OPCML: variants seen among roughly 807,000 people sequenced by gnomAD.
OPCML encodes the protein opioid binding protein/cell adhesion molecule like.
In OPCML, 13 loss-of-function variants were observed where a neutral mutation model predicts 37.8. That is an observed-to-expected ratio of 0.34 (90% confidence interval 0.22 to 0.55). The LOEUF (loss-of-function observed/expected upper bound fraction) is 0.55. Ranked by LOEUF, OPCML falls within the 20% of genes least tolerant of loss-of-function variation. The pLI is 0.91. For synonymous variants in OPCML, 176 were observed against 168.8 expected (o/e 1.04, Z -0.33); for missense variants, 341 against 435.6 (o/e 0.78, Z 1.93).
At chr11:133,420,856 G>A (rs901533346) in intron 1 of OPCML, 7 of 985,356 alleles carry the variant, frequency 7.1e-6, no homozygotes, top group Non-Finnish European at 8.4e-6. Context: ...ATTGGTCCTG[G>A]CAGTTACAAG....
At position 132,446,526 on chromosome 11, in the gene OPCML, G is replaced by T. The variant is rs775428070; in HGVS notation, c.506-9167C>A. 6.6e-4 allele frequency among the ~76,000 whole-genome samples: 100 copies of T among 152,074 alleles called. 1 individual carries two copies. Among genetic ancestry groups the T allele is most frequent in the Non-Finnish European group, 1.4e-3 (94 of 68,018 alleles). On this transcript the variant is annotated intron_variant, in intron 4 of 7. Coordinates refer to ENST00000524381, the MANE Select transcript of OPCML (RefSeq NM_001012393.5). ...AAAATAAACTGAAACTAACAGTTCA[G>T]ACCCAAAGAATGCAGGGGTAGAAGG...
In OPCML at chr11:133,333,475, C is replaced by T. The variant is rs556888657; in HGVS notation, c.61+198789G>A. Among the ~76,000 whole-genome samples, 24 of 152,220 alleles carry T rather than the reference C, an allele frequency of 1.6e-4. No homozygotes were observed. In the South Asian group the frequency reaches 2.1e-3, roughly 13 times the overall value. On this transcript the variant is annotated intron_variant, in intron 1 of 7. Coordinates refer to ENST00000524381, the MANE Select transcript of OPCML (RefSeq NM_001012393.5). ...ATTGAAGCTGGACCGCTTCCTTACA[C>T]GCTACACAAAAATCAACTCAAGATG...
chr11:133,398,005 T>C (rs1945323545), intron 1 of OPCML, among the ~76,000 whole-genome samples: 1 of 152,188 alleles, frequency 6.6e-6, no homozygotes, highest in Admixed American at 6.5e-5. Context: ...TTTAAGTTTA[T>C]CCAAACCTAT....
chr11:133,421,063 T>C (rs1565625241), intron 1 of OPCML: 1 of 983,856 alleles, frequency 1.0e-6, no homozygotes, highest in Non-Finnish European at 1.2e-6. Flanking sequence ...CAATAATCAG[T>C]AGATTATTGG....
chr11:132,969,724 G>A (rs553224380), intron 1 of OPCML, among the ~76,000 whole-genome samples: 17 of 152,036 alleles, frequency 1.1e-4, no homozygotes, highest in Non-Finnish European at 2.2e-4. Flanking sequence ...TTTAAACTTA[G>A]GTTATATTTT....
At chr11:132,727,557 GCA>G (rs1944930656) in intron 2 of OPCML, among the ~76,000 whole-genome samples, 1 of 152,162 alleles carries the variant, frequency 6.6e-6, no homozygotes, top group Non-Finnish European at 1.5e-5. Flanking sequence ...CTAGAGCCCA[GCA>G]CAGTCATCCT....
intron 2 of OPCML, among the ~76,000 whole-genome samples, chr11:132,909,068 A>T (rs1456368024): frequency 2.0e-5 from 3 of 152,200 alleles, no homozygotes; most frequent in Non-Finnish European, 4.4e-5. Flanking sequence ...TCAGTGCGGG[A>T]TGCCCACCAC....
At chr11:132,736,220 A>C (rs1424189733) in intron 2 of OPCML, among the ~76,000 whole-genome samples, 1 of 152,136 alleles carries the variant, frequency 6.6e-6, no homozygotes, top group Middle Eastern at 3.4e-3. Context: ...AGCAGGAAAA[A>C]CTGTCTCTTC....
intron 4 of OPCML, among the ~76,000 whole-genome samples, chr11:132,457,453 T>G (rs1297224810): frequency 6.6e-6 from 1 of 152,218 alleles, no homozygotes; most frequent in Non-Finnish European, 1.5e-5. Context: ...AAATATTTAT[T>G]GAGTGTCAAC....
chr11:132,840,107 G>C (rs1941224577), intron 2 of OPCML, among the ~76,000 whole-genome samples: 1 of 152,042 alleles, frequency 6.6e-6, no homozygotes, highest in Non-Finnish European at 1.5e-5. Flanking sequence ...ATGAGAACAG[G>C]GGCCACAGCA....
intron 2 of OPCML, among the ~76,000 whole-genome samples, chr11:132,843,996 G>T (rs566401689): frequency 2.1e-4 from 32 of 152,296 alleles, no homozygotes; most frequent in African/African-American, 6.7e-4. Flanking sequence ...GAATCATGGG[G>T]GCAGGTCTTT....
intron 1 of OPCML, among the ~76,000 whole-genome samples, chr11:133,469,458 C>T (rs1448967024): frequency 6.6e-6 from 1 of 152,174 alleles, no homozygotes; most frequent in Non-Finnish European, 1.5e-5. Flanking sequence ...GAAGTTCACA[C>T]ATGATGACAT....
chr11:132,999,777 C>A (rs1946961679), intron 1 of OPCML, among the ~76,000 whole-genome samples: 1 of 152,092 alleles, frequency 6.6e-6, no homozygotes, highest in Non-Finnish European at 1.5e-5. Context: ...TACGAGACAG[C>A]AAAAAGTAGA....
At chr11:132,787,356 G>T (rs1220700229) in intron 2 of OPCML, among the ~76,000 whole-genome samples, 1 of 152,138 alleles carries the variant, frequency 6.6e-6, no homozygotes, top group African/African-American at 2.4e-5. Context: ...CGGAATGAAG[G>T]TATTACAGAA....
chr11:133,099,218 G>C (rs1591999897), intron 1 of OPCML, among the ~76,000 whole-genome samples: 1 of 151,440 alleles, frequency 6.6e-6, no homozygotes, highest in African/African-American at 2.4e-5. Context: ...TTCATAAATA[G>C]AGTCAATAGT....
chr11:133,486,285 T>C (rs1947524253), intron 1 of OPCML, among the ~76,000 whole-genome samples: 1 of 152,184 alleles, frequency 6.6e-6, no homozygotes, highest in Non-Finnish European at 1.5e-5. Flanking sequence ...TGTTTCATTC[T>C]TTCCTCAACT....
chr11:133,283,863 C>A (rs1250273956), intron 1 of OPCML, among the ~76,000 whole-genome samples: 1 of 152,138 alleles, frequency 6.6e-6, no homozygotes, highest in Non-Finnish European at 1.5e-5. Context: ...TACCTGTGAG[C>A]CTTAAGAACA....
chr11:133,483,769 G>T (rs1271016001), intron 1 of OPCML, among the ~76,000 whole-genome samples: 2 of 120,370 alleles, frequency 1.7e-5, no homozygotes, highest in Non-Finnish European at 3.2e-5. Flanking sequence ...GAGAAAAAGA[G>T]ATTTATAGAT....
chr11:133,009,445 C>A (rs1479512414), intron 1 of OPCML, among the ~76,000 whole-genome samples: 1 of 152,152 alleles, frequency 6.6e-6, no homozygotes, highest in Non-Finnish European at 1.5e-5. Context: ...CAAGATTGAT[C>A]GACCTAACTT....
Sources: gnomAD v4.1 joint callset for allele counts (sites outside exome capture counted in the v4.1 genomes callset) on GRCh38, gnomAD v4.1.1 for gene constraint, MANE v1.5 for transcripts, NCBI Gene and HGNC (gene_info 2026-07-23, HGNC 2026-07-21) for gene names.